Variants in PKHD1 observed in about 807,000 individuals in gnomAD.
The protein encoded by PKHD1 is fibrocystin.
A neutral mutation model predicts 412.0 loss-of-function variants in PKHD1; 291 were observed. That is an observed-to-expected ratio of 0.71 (90% CI 0.64 to 0.78). The LOEUF is 0.78. Ranked by LOEUF, PKHD1 falls within the 30% of genes least tolerant of loss-of-function variation. PKHD1 has a pLI of 0.00. For synonymous variants in PKHD1, 1,777 were observed against 1,821.5 expected (o/e 0.98, Z 0.62); for missense variants, 4,825 against 4,950.7 (o/e 0.97, Z 0.76).
intron 64 of PKHD1, among the ~76,000 whole-genome samples, chr6:51,633,513 T>C (rs1175720519): frequency 6.6e-6 from 1 of 151,302 alleles, no homozygotes; most frequent in African/African-American, 2.4e-5. Flanking sequence ...ATCTAGACAA[T>C]GAAAAACTAC....
chr6:51,640,686 G>A (rs1311916499), intron 63 of PKHD1, among the ~76,000 whole-genome samples: 1 of 152,072 alleles, frequency 6.6e-6, no homozygotes, highest in Non-Finnish European at 1.5e-5. Flanking sequence ...TACCTTTGCA[G>A]CCCAAATTAT....
chr6:51,656,663 CTT>C (rs5876230), intron 61 of PKHD1, among the ~76,000 whole-genome samples: 3 of 142,048 alleles, frequency 2.1e-5, no homozygotes, highest in Admixed American at 1.4e-4. Flanking sequence ...GCTTTTCTTT[CTT>C]TTTTTTTTTT....
intron 60 of PKHD1, among the ~76,000 whole-genome samples, chr6:51,677,738 GT>G (rs750829452): frequency 6.6e-6 from 1 of 152,082 alleles, no homozygotes; most frequent in Non-Finnish European, 1.5e-5. Flanking sequence ...AATAAAAGTT[GT>G]TGCATTGATA....
At chr6:51,636,154 C>T (rs1426474789) in intron 64 of PKHD1, among the ~76,000 whole-genome samples, 4 of 152,212 alleles carry the variant, frequency 2.6e-5, no homozygotes, top group Non-Finnish European at 5.9e-5. Context: ...AATACTTGGG[C>T]AGATCTATTT....
intron 18 of PKHD1, 141 bp from the exon 19 acceptor site, chr6:52,055,870 G>C: frequency 2.5e-6 from 2 of 790,004 alleles, no homozygotes; most frequent in Non-Finnish European, 4.0e-6. Context: ...GCAACCTTGA[G>C]TAAGTAACTC....
In PKHD1 at chr6:51,744,379, G is replaced by C; in HGVS notation, c.10156+6C>G. The C allele has an allele frequency of 2.5e-6, 4 of 1,613,032 alleles. No homozygotes were observed. The highest frequency in any genetic ancestry group is 3.4e-6 in the Non-Finnish European group (4 of 1,179,082). On this transcript the variant is annotated splice_donor_region_variant and intron_variant, in intron 60 of 66. Coordinates refer to ENST00000371117, the MANE Select transcript of PKHD1 (RefSeq NM_138694.4). ...ACCACAGGCATTGCATTCAGATATA[G>C]CTTACCTGCGTTGAAGAAGGATGCA... is the stretch of plus-strand genomic sequence containing the variant.
intron 58 of PKHD1, 26 bp downstream of exon 58, chr6:51,747,761 T>A: frequency 6.3e-7 from 1 of 1,598,484 alleles, no homozygotes; most frequent in Non-Finnish European, 8.6e-7. Flanking sequence ...GAAATGGCAC[T>A]GCCTAGATAA....
chr6:51,659,815 A>G lies in PKHD1; in HGVS notation c.10311T>C (p.Phe3437=), dbSNP rs375770253. The G allele has an allele frequency of 1.9e-5, 31 of 1,613,788 alleles. No homozygotes were observed. The highest frequency in any genetic ancestry group is 2.5e-5 in the Non-Finnish European group (29 of 1,179,872). Reference sequence around the variant, plus strand: ...CATTTACACTGCTAAAGACATCAACAAAACCACTAGTCACAGATACAACTG... The same window carrying G: ...CATTTACACTGCTAAAGACATCAACGAAACCACTAGTCACAGATACAACTG... ...LYPVVSVTSG[F]VDVFSSVNAN... The change falls in exon 61 of 67, where the codon TTT becomes TTC. Residue 3437 remains phenylalanine, a synonymous_variant. Transcript: ENST00000371117.
At chr6:52,041,188 T>C (rs1365181001) in intron 27 of PKHD1, among the ~76,000 whole-genome samples, 2 of 152,260 alleles carry the variant, frequency 1.3e-5, no homozygotes, top group Non-Finnish European at 2.9e-5. Flanking sequence ...TTTATCACAT[T>C]ATTGTATCCA....
intron 60 of PKHD1, among the ~76,000 whole-genome samples, chr6:51,726,286 G>A (rs1330697937): frequency 2.6e-5 from 4 of 152,172 alleles, no homozygotes; most frequent in African/African-American, 4.8e-5. Flanking sequence ...AATCCTGGCC[G>A]TATTTTGAAG....
At chr6:51,870,700 A>G in intron 46 of PKHD1, 61 bp from the exon 47 acceptor site, 1 of 1,271,282 alleles carries the variant, frequency 7.9e-7, no homozygotes, top group Non-Finnish European at 1.1e-6. Context: ...ATGAAATACA[A>G]TTCATAATGC....
At chr6:51,699,114 T>G (rs945153095) in intron 60 of PKHD1, among the ~76,000 whole-genome samples, 4 of 152,212 alleles carry the variant, frequency 2.6e-5, no homozygotes, top group African/African-American at 9.6e-5. Context: ...GGTAATTTTT[T>G]TCTTTTGTTG....
intron 25 of PKHD1, among the ~76,000 whole-genome samples, chr6:52,044,470 T>C (rs2128185479): frequency 6.6e-6 from 1 of 152,266 alleles, no homozygotes; most frequent in Non-Finnish European, 1.5e-5. Context: ...AGACAAAAAA[T>C]ATAAATATAT....
intron 53 of PKHD1, among the ~76,000 whole-genome samples, chr6:51,787,426 T>C (rs1318606899): frequency 6.6e-6 from 1 of 151,542 alleles, no homozygotes; most frequent in Non-Finnish European, 1.5e-5. Flanking sequence ...TTGGATCAAA[T>C]GGCATCAGAT....
intron 53 of PKHD1, among the ~76,000 whole-genome samples, chr6:51,788,636 T>A (rs1397987683): frequency 6.6e-6 from 1 of 152,014 alleles, no homozygotes; most frequent in Non-Finnish European, 1.5e-5. Context: ...TATCTCTGGG[T>A]TCCTATAACA....
intron 52 of PKHD1, among the ~76,000 whole-genome samples, chr6:51,798,450 C>T (rs1052381583): frequency 2.0e-5 from 3 of 152,088 alleles, no homozygotes; most frequent in Non-Finnish European, 2.9e-5. Context: ...TGAATATCTA[C>T]CCCCAATCTC....
intron 11 of PKHD1, 135 bp downstream of exon 11, chr6:52,069,322 A>T (rs907237526): frequency 7.9e-6 from 6 of 764,224 alleles, no homozygotes; most frequent in Admixed American, 5.4e-5. Context: ...TCAACCAAAA[A>T]CACCAGGCTG....
At chr6:51,660,783 C>T (rs1772714926) in intron 60 of PKHD1, among the ~76,000 whole-genome samples, 1 of 152,148 alleles carries the variant, frequency 6.6e-6, no homozygotes, top group Non-Finnish European at 1.5e-5. Context: ...CAAGACACTT[C>T]CATGCGTTCA....
chr6:51,856,199 A>G, intron 48 of PKHD1, 129 bp from the exon 49 acceptor site: 1 of 722,428 alleles, frequency 1.4e-6, no homozygotes, highest in South Asian at 1.5e-5. Context: ...GGCCCTCTTT[A>G]GTTGTATGTC....
Sources: allele counts gnomAD v4.1 joint callset (sites outside exome capture counted in the v4.1 genomes callset), GRCh38; gene constraint gnomAD v4.1.1; transcripts MANE v1.5; gene names NCBI Gene and HGNC (gene_info 2026-07-23, HGNC 2026-07-21).